CDH2: variants seen among roughly 807,000 people sequenced by gnomAD.
The protein encoded by CDH2 is cadherin 2.
Under a neutral mutation model 92.0 loss-of-function variants are expected in CDH2, and 17 were observed. The observed-to-expected ratio is 0.18, with a 90% CI of 0.13 to 0.28. The LOEUF is 0.28. CDH2 is among the 10% of genes least tolerant of loss of function. The pLI, the probability that CDH2 is intolerant of heterozygous loss-of-function variation, is 1.00. For missense variants in CDH2, 862 were observed against 1,133.1 expected (o/e 0.76, Z 3.44); for synonymous variants, 419 against 415.9 (o/e 1.01, Z -0.09).
rs2013107615 is a variant in CDH2 at position 28,011,800 on chromosome 18, A to T, written c.546+46T>A. 1.9e-6 allele frequency: 3 copies of T among 1,560,060 alleles called. No individual in the cohort carries two copies. The East Asian group carries it at 6.7e-5, about 35-fold the overall frequency. ...AAATAGACAGAAATATTTTTAACAT[A>T]CATTTGTCTTGTGGTATGAAAACAG... On this transcript the variant is annotated intron_variant, in intron 4 of 15. Coordinates refer to ENST00000269141, the MANE Select transcript of CDH2 (RefSeq NM_001792.5).
At chr18:27,954,698 CA>C (rs1359877061) in intron 15 of CDH2, 1 of 152,154 alleles carries the variant, frequency 6.6e-6, no homozygotes, top group African/African-American at 2.4e-5. Flanking sequence ...CCTTAGCTAA[CA>C]AAAGCCGAAG....
chr18:28,003,297 G>C (rs912603632), intron 6 of CDH2, 128 bp from the exon 7 acceptor site: 1 of 655,884 alleles, frequency 1.5e-6, no homozygotes, highest in Admixed American at 3.2e-5. Flanking sequence ...AAGTCATTTA[G>C]ACTTGATTAA....
At chr18:28,040,696 T>G (rs991722760) in intron 2 of CDH2, among the ~76,000 whole-genome samples, 6 of 152,170 alleles carry the variant, frequency 3.9e-5, no homozygotes, top group Admixed American at 1.3e-4. Flanking sequence ...CAAACCCTTA[T>G]ATAGCAAATA....
At chr18:27,946,272 G>A (rs1289808741), downstream of CDH2, among the ~76,000 whole-genome samples, 2 of 151,950 alleles carry the variant, frequency 1.3e-5, no homozygotes, top group African/African-American at 4.8e-5. Flanking sequence ...ATTCTGTATC[G>A]ATAAATATAA....
chr18:28,012,032 A>T, intron 3 of CDH2, 40 bp from the exon 4 acceptor site: 1 of 1,551,102 alleles, frequency 6.4e-7, no homozygotes, highest in Non-Finnish European at 8.8e-7. Flanking sequence ...GTACTAGGAA[A>T]CACATTTTCT....
chr18:28,141,212 TAC>T (rs2144315748), intron 2 of CDH2, among the ~76,000 whole-genome samples: 2 of 151,940 alleles, frequency 1.3e-5, no homozygotes, highest in Non-Finnish European at 2.9e-5. Flanking sequence ...CAGAAAAGTA[TAC>T]AGATATATAC....
intron 2 of CDH2, among the ~76,000 whole-genome samples, chr18:28,097,419 A>G (rs548951083): frequency 6.6e-6 from 1 of 151,608 alleles, no homozygotes; most frequent in South Asian, 2.1e-4. Context: ...GCAGTGGCTA[A>G]TGTCTATTAT....
chr18:28,042,820 G>GT (rs2013974015), intron 2 of CDH2, among the ~76,000 whole-genome samples: 1 of 152,126 alleles, frequency 6.6e-6, no homozygotes, highest in Non-Finnish European at 1.5e-5. Flanking sequence ...AAAAATCAGA[G>GT]TAAATGCTTC....
chr18:28,063,565 A>G (rs905261628), intron 2 of CDH2, among the ~76,000 whole-genome samples: 7 of 152,216 alleles, frequency 4.6e-5, no homozygotes, highest in African/African-American at 1.4e-4. Flanking sequence ...AAGCATCATT[A>G]ACACATCCTA....
chr18:27,933,340 C>A (rs1908946155), intron 6 of CDH2, among the ~76,000 whole-genome samples: 1 of 152,114 alleles, frequency 6.6e-6, no homozygotes, highest in Non-Finnish European at 1.5e-5. Flanking sequence ...TCAGCAAAAT[C>A]ATATACTCCG....
chr18:28,113,105 T>C (rs1463156215), intron 2 of CDH2, among the ~76,000 whole-genome samples: 4 of 152,156 alleles, frequency 2.6e-5, no homozygotes, highest in African/African-American at 7.2e-5. Flanking sequence ...GTGGATACTA[T>C]AGTGCAAAGC....
At chr18:27,935,926 C>CT (rs991499955) in intron 6 of CDH2, among the ~76,000 whole-genome samples, 4 of 152,122 alleles carry the variant, frequency 2.6e-5, no homozygotes, top group African/African-American at 9.7e-5. Flanking sequence ...TAACAAAGCC[C>CT]TTTTAAGAAG....
At chr18:28,153,189 C>T (rs2016152427) in intron 1 of CDH2, among the ~76,000 whole-genome samples, 1 of 152,052 alleles carries the variant, frequency 6.6e-6, no homozygotes, top group African/African-American at 2.4e-5. Flanking sequence ...AAAGGGCATT[C>T]CAGGCAAAAG....
At chr18:28,105,870 C>T (rs2015312139) in intron 2 of CDH2, among the ~76,000 whole-genome samples, 2 of 152,198 alleles carry the variant, frequency 1.3e-5, no homozygotes, top group African/African-American at 4.8e-5. Flanking sequence ...TGGTAAACTA[C>T]ATGACTTAAT....
Position 27,985,154 on chromosome 18 carries a change from C to A in CDH2, c.2055G>T (p.Ser685=). Reference sequence around the variant, plus strand: ...AAATATTTGATTTGGGAGGATTACCCGAATCTGTGATTATGATGGGAACTT... The same window carrying A: ...AAATATTTGATTTGGGAGGATTACCAGAATCTGTGATTATGATGGGAACTT... ...IYEVPIIITD[S]GNPPKSNISI... The change falls in exon 13 of 16, where the codon TCG becomes TCT. Residue 685 remains serine, a synonymous_variant. Coordinates refer to ENST00000269141, the MANE Select transcript of CDH2 (RefSeq NM_001792.5). 1 of 1,613,602 alleles carries A rather than the reference C, an allele frequency of 6.2e-7. No individual in the cohort carries two copies. Among genetic ancestry groups the A allele is most frequent in the Non-Finnish European group, 8.5e-7 (1 of 1,179,644 alleles).
intron 1 of CDH2, among the ~76,000 whole-genome samples, chr18:28,175,348 G>A (rs1371981701): frequency 3.9e-5 from 6 of 152,174 alleles, no homozygotes; most frequent in Non-Finnish European, 2.9e-5. Context: ...GAGAAAGACC[G>A]GTAGGAGACT....
At position 28,065,200 on chromosome 18, in the gene CDH2, C is replaced by T. The variant is rs142339582; in HGVS notation, c.173-51291G>A. On this transcript the variant is annotated intron_variant, in intron 2 of 15. Transcript: ENST00000269141. ...TTGGGAACTGAGCCAGAAACTCATT[C>T]ACCAAGGGTTTTTATCCCCTGTTGA... Among the ~76,000 whole-genome samples, 999 of 152,236 alleles carry T rather than the reference C, an allele frequency of 6.6e-3. 5 individuals carry two copies. The highest frequency in any genetic ancestry group is 0.014 in the Middle Eastern group (4 of 294).
At chr18:28,127,763 T>C (rs1487473902) in intron 2 of CDH2, among the ~76,000 whole-genome samples, 1 of 152,216 alleles carries the variant, frequency 6.6e-6, no homozygotes, top group Non-Finnish European at 1.5e-5. Context: ...TAGAAAACTC[T>C]TTCATAAAGG....
In CDH2 at chr18:28,003,024, G is replaced by A; in HGVS notation, c.993C>T (p.Ile331=). 6.2e-7 allele frequency: 1 copy of A among 1,614,004 alleles called. No individual in the cohort carries two copies. The highest frequency in any genetic ancestry group is 8.5e-7 in the Non-Finnish European group (1 of 1,179,916). Reference sequence around the variant, plus strand: ...CTCGATCAAGTCCAGCTGCCACTGTGATGATGTCACCAGTCTCATTGTTGA... The same window carrying A: ...CTCGATCAAGTCCAGCTGCCACTGTAATGATGTCACCAGTCTCATTGTTGA... ...FTINNETGDI[I]TVAAGLDREK... The change falls in exon 7 of 16, where the codon ATC becomes ATT. Residue 331 remains isoleucine (I), a synonymous_variant. Coordinates refer to ENST00000269141, the MANE Select transcript of CDH2 (RefSeq NM_001792.5).
Sources: allele counts gnomAD v4.1 joint callset (sites outside exome capture counted in the v4.1 genomes callset), GRCh38; gene constraint gnomAD v4.1.1; transcripts MANE v1.5; gene names NCBI Gene and HGNC (gene_info 2026-07-23, HGNC 2026-07-21).